Variants in POT1 observed in about 807,000 individuals in gnomAD.
POT1 encodes protection of telomeres protein 1.
A neutral mutation model predicts 78.5 loss-of-function variants in POT1; 47 were observed. That is an observed-to-expected ratio of 0.60 (90% CI 0.47 to 0.76). The LOEUF is 0.76. Among genes scored for constraint, POT1 ranks in the 30% least tolerant of loss-of-function variants. POT1 has a pLI of 0.00. For missense variants in POT1, 646 were observed against 749.9 expected (o/e 0.86, Z 1.62); for synonymous variants, 259 against 260.7 (o/e 0.99, Z 0.06).
rs374324923 is a variant in POT1, at chr7:124,896,220, T to C, written c.9+945A>G. 3.0e-4 allele frequency among the ~76,000 whole-genome samples: 46 copies of C among 151,840 alleles called. 1 individual carries two copies. Among genetic ancestry groups the C allele is most frequent in the African/African-American group, 9.1e-4 (38 of 41,546 alleles). On this transcript the variant is annotated intron_variant, in intron 5 of 18. Transcript: ENST00000357628. ...GATGAGTCAGGAAAATAAAGTCAAA[T>C]AGATCTATGCTTGATTTAACTTACA...
intron 9 of POT1, among the ~76,000 whole-genome samples, chr7:124,854,830 T>A (rs768696890): frequency 5.9e-5 from 9 of 151,940 alleles, no homozygotes; most frequent in Non-Finnish European, 1.2e-4. Context: ...TCTTTTTGAC[T>A]GGATTATTTT....
intron 4 of POT1, among the ~76,000 whole-genome samples, chr7:124,897,631 A>G (rs1796524560): frequency 6.6e-6 from 1 of 151,890 alleles, no homozygotes; most frequent in African/African-American, 2.4e-5. Flanking sequence ...ATCAATAAGG[A>G]AGTGCTTCAG....
rs916875463 is a variant in POT1 at position 124,909,020 on chromosome 7, CCAAATCTCCTGACTTTCAAGA to C, written c.-154+6533_-154+6553del. Among the ~76,000 whole-genome samples the C allele has an allele frequency of 1.6e-4, 24 of 151,930 alleles. No homozygotes were observed. In the East Asian group the frequency reaches 3.9e-3, roughly 24 times the overall value. ...ATTAGCTATGAACCAAGACAAGAAG[CCAAATCTCCTGACTTTCAAGA>C]CAGGCACCACTCTAATTCCTCTTTC... On this transcript the variant is annotated intron_variant, in intron 3 of 18. Coordinates refer to ENST00000357628, the MANE Select transcript of POT1 (RefSeq NM_015450.3).
chr7:124,846,063 ATCTGAGCACCAGG>A (rs1795155389), intron 12 of POT1, among the ~76,000 whole-genome samples: 1 of 152,184 alleles, frequency 6.6e-6, no homozygotes, highest in East Asian at 1.9e-4. Flanking sequence ...ATAAACCAAG[ATCTGAGCACCAGG>A]TGTGCTTATG....
chr7:124,851,187 G>C lies in POT1; in HGVS notation c.949+685C>G, dbSNP rs529691721. ...GGCATGTGCAGGACTACAAGTCCTT[G>C]CTACTCAGGAGGCTGAGGAGGGAGG... On this transcript the variant is annotated intron_variant, in intron 11 of 18. Transcript: ENST00000357628. Among the ~76,000 whole-genome samples, 5 of 152,248 alleles carry C rather than the reference G, an allele frequency of 3.3e-5. No homozygotes were observed. In the South Asian group the frequency reaches 1.0e-3, roughly 32 times the overall value.
intron 3 of POT1, among the ~76,000 whole-genome samples, chr7:124,910,223 C>T (rs1796858967): frequency 6.6e-6 from 1 of 151,910 alleles, no homozygotes; most frequent in Non-Finnish European, 1.5e-5. Context: ...GCCTGCCATA[C>T]TGTCTGAATG....
Position 124,846,993 on chromosome 7 carries a change from C to T in POT1, c.955G>A (p.Gly319Arg). ...TCTACCTCGTATAATGATACTGATC[C>T]AGAGCCTATAAAAAGGAAAAGGCAA... ...SEPDDSFPSS[G>R]SVSLYEVERC... Residue 319 changes from glycine (G) to arginine (R), a missense_variant, in exon 12 of 19, where the codon GGA becomes AGA. By Grantham distance (125) the Gly-to-Arg change is moderately radical (BLOSUM62 -2). Around this residue, in one of 2 missense-constraint regions of POT1, gnomAD observed 394 missense variants for 408.4 expected, o/e 0.96. Coordinates refer to ENST00000357628, the MANE Select transcript of POT1 (RefSeq NM_015450.3). 6.2e-7 allele frequency: 1 copy of T among 1,603,514 alleles called. No homozygotes were observed. The highest frequency in any genetic ancestry group is 1.1e-5 in the South Asian group (1 of 90,620).
At chr7:124,923,572 G>C (rs1797202221) in intron 2 of POT1, among the ~76,000 whole-genome samples, 1 of 151,712 alleles carries the variant, frequency 6.6e-6, no homozygotes, top group Non-Finnish European at 1.5e-5. Flanking sequence ...GTATTCCTAA[G>C]GGGGAAGAGA....
Position 124,863,554 on chromosome 7 carries a change from G to A in POT1, c.342C>T (p.Ile114=), listed in dbSNP as rs989904335. ...AATACTTGCTTGAAGTGCGAGGTAT[G>A]ATAGGGGCTCCCAAAGTTCCCTCAA... ...LTFEGTLGAP[I]IPRTSSKYFN... Residue 114 remains isoleucine, a synonymous_variant, in exon 8 of 19, where the codon ATC becomes ATT. Transcript: ENST00000357628. The A allele has an allele frequency of 3.7e-6, 6 of 1,613,880 alleles. No homozygotes were observed. The highest frequency in any genetic ancestry group is 5.1e-6 in the Non-Finnish European group (6 of 1,179,822).
At chr7:124,860,141 G>A (rs140781087) in intron 8 of POT1, among the ~76,000 whole-genome samples, 2,403 of 150,904 alleles carry the variant, frequency 0.016, 62 homozygotes, top group African/African-American at 0.049. Flanking sequence ...ATCACTGTCC[G>A]GAAAAAAAAA....
chr7:124,873,448 C>T (rs957588676), intron 6 of POT1, among the ~76,000 whole-genome samples: 2 of 152,150 alleles, frequency 1.3e-5, no homozygotes, highest in Non-Finnish European at 2.9e-5. Context: ...TGGAATAAAT[C>T]CTACTTGATC....
At chr7:124,841,573 C>T (rs146720082) in intron 13 of POT1, among the ~76,000 whole-genome samples, 2,028 of 151,922 alleles carry the variant, frequency 0.013, 50 homozygotes, top group African/African-American at 0.047. Context: ...ACTTACCACA[C>T]TTAGGGAGAA....
chr7:124,900,751 A>C, intron 3 of POT1: 1 of 268,474 alleles, frequency 3.7e-6, no homozygotes, highest in South Asian at 3.4e-5. Flanking sequence ...TTCCTAGCCA[A>C]GGGAAGCCAT....
At chr7:124,864,835 C>T (rs2116546477) in intron 7 of POT1, among the ~76,000 whole-genome samples, 1 of 152,168 alleles carries the variant, frequency 6.6e-6, no homozygotes, top group Non-Finnish European at 1.5e-5. Context: ...ATAGACATTT[C>T]TCTTTTAATT....
At chr7:124,897,425 G>T (rs1796518833) in intron 4 of POT1, among the ~76,000 whole-genome samples, 1 of 151,750 alleles carries the variant, frequency 6.6e-6, no homozygotes, top group Admixed American at 6.6e-5. Context: ...AAGGTCAAAT[G>T]AAAATGTACT....
chr7:124,873,698 C>T (rs535063949), intron 6 of POT1, among the ~76,000 whole-genome samples: 2 of 152,202 alleles, frequency 1.3e-5, no homozygotes, highest in South Asian at 4.1e-4. Context: ...ATGTTTGATA[C>T]AATTTGATGC....
chr7:124,835,828 T>C (rs1794888308), intron 14 of POT1, among the ~76,000 whole-genome samples: 1 of 152,222 alleles, frequency 6.6e-6, no homozygotes, highest in Non-Finnish European at 1.5e-5. Context: ...CAATATTTCA[T>C]TTAAATATAG....
chr7:124,860,552 T>C (rs1353650906), intron 8 of POT1, among the ~76,000 whole-genome samples: 1 of 152,128 alleles, frequency 6.6e-6, no homozygotes, highest in Non-Finnish European at 1.5e-5. Context: ...AGTTGAAGGG[T>C]ACAAAAAGAC....
chr7:124,859,322 A>G (rs1052597912), intron 8 of POT1, among the ~76,000 whole-genome samples: 1 of 152,186 alleles, frequency 6.6e-6, no homozygotes, highest in African/African-American at 2.4e-5. Context: ...AAAGGAGAAA[A>G]AGAGTCACAC....
Sources: gnomAD v4.1 joint callset for allele counts (sites outside exome capture counted in the v4.1 genomes callset) on GRCh38, gnomAD v4.1.1 for gene constraint, gnomAD v4.1.1 regional missense constraint, MANE v1.5 for transcripts, NCBI Gene and HGNC (gene_info 2026-07-23, HGNC 2026-07-21) for gene names.